Variants in JAM2 observed in about 807,000 individuals in gnomAD.
The protein encoded by JAM2 is junctional adhesion molecule 2.
A neutral mutation model predicts 42.0 loss-of-function variants in JAM2; 17 were observed. The ratio of observed to expected loss-of-function variants is 0.40; its 90% CI spans 0.28 to 0.61. The LOEUF (loss-of-function observed/expected upper bound fraction) is 0.61, where lower values mean the gene tolerates loss of function less well. Ranked by LOEUF, JAM2 falls within the 20% of genes least tolerant of loss-of-function variation. The probability of loss-of-function intolerance (pLI) is 0.37; values close to 1 mark genes in which losing one functional copy is unlikely to be tolerated. For synonymous variants in JAM2, 118 were observed against 128.6 expected, an observed-to-expected ratio of 0.92 and a Z score of 0.56; for missense variants, 319 against 358.3, an observed-to-expected ratio of 0.89 and a Z score of 0.89.
intron 1 of JAM2, among the ~76,000 whole-genome samples, chr21:25,658,610 G>A (rs574034258): frequency 5.1e-4 from 77 of 152,092 alleles, no homozygotes; most frequent in Non-Finnish European, 9.4e-4. Context: ...TGGAAGCTGG[G>A]GAGGAATTTT....
At chr21:25,712,149 C>A in intron 8 of JAM2, 191 bp from the exon 9 acceptor site, 1 of 614,178 alleles carries the variant, frequency 1.6e-6, no homozygotes, top group Non-Finnish European at 3.0e-6. Context: ...TGTTTTGTTG[C>A]ATGACTTTCT....
At chr21:25,654,368 G>T (rs987737690) in intron 1 of JAM2, among the ~76,000 whole-genome samples, 1 of 152,110 alleles carries the variant, frequency 6.6e-6, no homozygotes, top group African/African-American at 2.4e-5. Context: ...GGACAACCAG[G>T]GCAGGTGCTG....
chr21:25,714,531 T>C (rs2034444926), intron 9 of JAM2, 109 bp from the exon 10 acceptor site: 1 of 787,010 alleles, frequency 1.3e-6, no homozygotes, highest in Admixed American at 3.1e-5. Flanking sequence ...TAAATACTGG[T>C]TTTTACCTGT....
intron 1 of JAM2, among the ~76,000 whole-genome samples, chr21:25,647,017 G>A (rs2032634420): frequency 1.3e-5 from 2 of 152,098 alleles, no homozygotes; most frequent in Non-Finnish European, 2.9e-5. Flanking sequence ...TGCATAACCT[G>A]GTCTGTCTTC....
intron 6 of JAM2, among the ~76,000 whole-genome samples, chr21:25,703,535 G>T (rs541798644): frequency 1.2e-4 from 18 of 151,750 alleles, no homozygotes; most frequent in African/African-American, 3.4e-4. Flanking sequence ...TCATTTTTTT[G>T]GTTTTCTTTG....
intron 3 of JAM2, among the ~76,000 whole-genome samples, chr21:25,691,181 A>G (rs1044838195): frequency 1.3e-5 from 2 of 152,238 alleles, no homozygotes; most frequent in Non-Finnish European, 2.9e-5. Flanking sequence ...TTAATGTTAA[A>G]GAATTAAGTG....
chr21:25,691,761 G>A (rs1027276375), intron 3 of JAM2, among the ~76,000 whole-genome samples: 12 of 152,118 alleles, frequency 7.9e-5, no homozygotes, highest in Admixed American at 7.2e-4. Context: ...TGGGCACAGT[G>A]GCTCATGTCT....
At chr21:25,671,868 T>C (rs1342509263) in intron 1 of JAM2, among the ~76,000 whole-genome samples, 1 of 152,232 alleles carries the variant, frequency 6.6e-6, no homozygotes, top group Admixed American at 6.5e-5. Flanking sequence ...ATTATACATT[T>C]AACAGATTGG....
At chr21:25,685,271 G>A (rs1454186242) in intron 2 of JAM2, among the ~76,000 whole-genome samples, 2 of 152,004 alleles carry the variant, frequency 1.3e-5, no homozygotes, top group Admixed American at 1.3e-4. Flanking sequence ...AGTCCTGGCT[G>A]GGAGTGGTGG....
At chr21:25,671,800 C>T (rs769101017) in intron 1 of JAM2, among the ~76,000 whole-genome samples, 4 of 152,216 alleles carry the variant, frequency 2.6e-5, no homozygotes, top group South Asian at 2.1e-4. Flanking sequence ...TGAGCCACTG[C>T]GCCCAGCAGA....
In JAM2 at chr21:25,716,897, T is replaced by C. The variant is rs1166184908; in HGVS notation, c.*2225T>C. On this transcript the variant is annotated 3_prime_UTR_variant, in exon 10 of 10. Transcript: ENST00000480456. ...TTGGCATGCCAAGAGGATAGATGAC[T>C]CTGAAAGACGCCTCTTCAGACATAC... 1 of 152,242 alleles carries C rather than the reference T, an allele frequency of 6.6e-6. No homozygotes were observed. Among genetic ancestry groups the C allele is most frequent in the Non-Finnish European group, 1.5e-5 (1 of 68,040 alleles). The allele number at this position is 152,242 out of a possible 1,614,324, so 9.4% of individuals were successfully genotyped here. A position where few individuals can be genotyped will look rare whatever the true frequency, so the allele number is the denominator to read the frequency against.
chr21:25,694,847 A>G (rs937119786), intron 4 of JAM2, among the ~76,000 whole-genome samples: 2 of 112,924 alleles, frequency 1.8e-5, no homozygotes, highest in African/African-American at 5.8e-5. Context: ...AAAAAAAAAA[A>G]AATAAAAAGA....
At chr21:25,680,303 T>G (rs1220192149) in intron 1 of JAM2, among the ~76,000 whole-genome samples, 2 of 152,244 alleles carry the variant, frequency 1.3e-5, no homozygotes, top group Non-Finnish European at 2.9e-5. Context: ...CAGGTTTGGC[T>G]GTCCATATCT....
At chr21:25,712,236 C>A in intron 8 of JAM2, 104 bp from the exon 9 acceptor site, 1 of 797,882 alleles carries the variant, frequency 1.3e-6, no homozygotes, top group Non-Finnish European at 2.2e-6. Flanking sequence ...TGTTCATGTT[C>A]TTGCTGAGAA....
At chr21:25,713,062 T>G (rs2034414875) in intron 9 of JAM2, among the ~76,000 whole-genome samples, 1 of 152,180 alleles carries the variant, frequency 6.6e-6, no homozygotes, top group Non-Finnish European at 1.5e-5. Flanking sequence ...ACAAGCACCC[T>G]CTGGCCTCTT....
chr21:25,668,868 A>C (rs370321570), intron 1 of JAM2, among the ~76,000 whole-genome samples: 60 of 152,300 alleles, frequency 3.9e-4, no homozygotes, highest in African/African-American at 1.3e-3. Flanking sequence ...CCTGGACGTT[A>C]AGTGTAGAAA....
intron 1 of JAM2, among the ~76,000 whole-genome samples, chr21:25,657,786 C>G (rs1323509351): frequency 6.6e-6 from 1 of 151,952 alleles, no homozygotes; most frequent in Non-Finnish European, 1.5e-5. Context: ...GGAAAATGTA[C>G]CATATTTTAG....
At chr21:25,689,751 T>C (rs1027999112) in intron 2 of JAM2, 115 bp from the exon 3 acceptor site, 1 of 651,910 alleles carries the variant, frequency 1.5e-6, no homozygotes, top group Non-Finnish European at 2.7e-6. Context: ...AATGAATGAA[T>C]GAATAAAACT....
chr21:25,655,233 GTGTTTAT>G (rs149481921), intron 1 of JAM2, among the ~76,000 whole-genome samples: 3,190 of 151,386 alleles, frequency 0.021, 111 homozygotes, highest in African/African-American at 0.073. Context: ...TGACTATATG[GTGTTTAT>G]TGTTTATTGT....
Sources: allele counts gnomAD v4.1 joint callset (sites outside exome capture counted in the v4.1 genomes callset), GRCh38; gene constraint gnomAD v4.1.1; transcripts MANE v1.5; gene names NCBI Gene and HGNC (gene_info 2026-07-23, HGNC 2026-07-21).